PTPRT: variants seen among roughly 807,000 people sequenced by gnomAD.
The protein encoded by PTPRT is receptor-type tyrosine-protein phosphatase T.
A neutral mutation model predicts 176.8 loss-of-function variants in PTPRT; 56 were observed. The observed-to-expected ratio is 0.32, with a 90% CI of 0.26 to 0.40. The LOEUF (loss-of-function observed/expected upper bound fraction) is 0.40. Ranked by LOEUF, PTPRT falls within the 10% of genes least tolerant of loss-of-function variation. The pLI, the probability that PTPRT is intolerant of heterozygous loss-of-function variation, is 1.00. For synonymous variants in PTPRT, 783 were observed against 739.0 expected (o/e 1.06, Z -0.96); for missense variants, 1,540 against 1,908.2 (o/e 0.81, Z 3.60).
At chr20:42,810,592 A>G (rs1175642838) in intron 2 of PTPRT, among the ~76,000 whole-genome samples, 3 of 152,200 alleles carry the variant, frequency 2.0e-5, no homozygotes, top group Admixed American at 2.0e-4. Context: ...GAAGCTTACC[A>G]TTGTATAAAA....
intron 1 of PTPRT, among the ~76,000 whole-genome samples, chr20:43,130,949 A>C: frequency 6.6e-6 from 1 of 152,364 alleles, no homozygotes; most frequent in Non-Finnish European, 1.5e-5. Flanking sequence ...GTGCAGAGAC[A>C]GCTGGCTAAG....
In PTPRT at chr20:42,588,522, C is replaced by T. The variant is rs944315071; in HGVS notation, c.1153+89344G>A. Among the ~76,000 whole-genome samples the T allele has an allele frequency of 5.3e-5, 8 of 151,890 alleles. 1 individual carries two copies. Among genetic ancestry groups the T allele is most frequent in the African/African-American group, 1.9e-4 (8 of 41,372 alleles). On this transcript the variant is annotated intron_variant, in intron 7 of 30. Transcript: ENST00000373187. ...GCAAACTGAGCTCTGCTATAAGGAA[C>T]ACACCATATTTCAAAGACAAAAAAA...
At chr20:42,984,432 C>T (rs1464113168) in intron 1 of PTPRT, among the ~76,000 whole-genome samples, 1 of 152,220 alleles carries the variant, frequency 6.6e-6, no homozygotes, top group African/African-American at 2.4e-5. Flanking sequence ...CAGCTCTCCA[C>T]TTTCTGTAGA....
At position 42,654,851 on chromosome 20, in the gene PTPRT, T is replaced by C. The variant is rs73618856; in HGVS notation, c.1153+23015A>G. 1.2e-4 allele frequency among the ~76,000 whole-genome samples: 18 copies of C among 152,328 alleles called. No individual in the cohort carries two copies. In the East Asian group the frequency reaches 1.4e-3, roughly 11 times the overall value. On this transcript the variant is annotated intron_variant, in intron 7 of 30. Coordinates refer to ENST00000373187, the MANE Select transcript of PTPRT (RefSeq NM_007050.6). ...TACTCTCCTTGGAATATCCTGTGGC[T>C]TCCCAAAGCCCACTAACATCAGGGC...
chr20:42,253,489 C>T (rs532920161), intron 13 of PTPRT, among the ~76,000 whole-genome samples: 47 of 152,146 alleles, frequency 3.1e-4, no homozygotes, highest in South Asian at 8.3e-4. Flanking sequence ...AGGCTGTCTC[C>T]GACTCTGGGT....
chr20:42,907,180 C>T (rs141036041), intron 1 of PTPRT, among the ~76,000 whole-genome samples: 1 of 152,012 alleles, frequency 6.6e-6, no homozygotes, highest in African/African-American at 2.4e-5. Flanking sequence ...TGAAAATGAT[C>T]CACTGAAAGA....
chr20:42,286,011 C>G (rs2057224940), intron 12 of PTPRT, among the ~76,000 whole-genome samples: 1 of 151,578 alleles, frequency 6.6e-6, no homozygotes. Context: ...AATAAAATAC[C>G]TAGAAATCAA....
intron 8 of PTPRT, among the ~76,000 whole-genome samples, chr20:42,451,313 A>T (rs937385628): frequency 1.3e-5 from 2 of 152,142 alleles, no homozygotes; most frequent in African/African-American, 4.8e-5. Flanking sequence ...AATGTTGTTT[A>T]TAGAGAGGGA....
intron 24 of PTPRT, among the ~76,000 whole-genome samples, chr20:42,105,380 C>T (rs957917776): frequency 2.6e-5 from 4 of 152,288 alleles, no homozygotes; most frequent in African/African-American, 7.2e-5. Context: ...GCTCCCAAAA[C>T]GTGTCATATC....
intron 7 of PTPRT, among the ~76,000 whole-genome samples, chr20:42,648,326 C>A (rs1485403753): frequency 6.6e-6 from 1 of 152,142 alleles, no homozygotes; most frequent in Non-Finnish European, 1.5e-5. Context: ...ATCCCCCTCT[C>A]AGCTCTGCAA....
intron 19 of PTPRT, among the ~76,000 whole-genome samples, chr20:42,121,504 A>C (rs932573065): frequency 6.6e-6 from 1 of 152,154 alleles, no homozygotes; most frequent in African/African-American, 2.4e-5. Context: ...GCAACACAGC[A>C]TGGTGGTTAT....
At chr20:42,429,490 GTCTCCTCCCTC>G (rs974172071) in intron 9 of PTPRT, among the ~76,000 whole-genome samples, 4 of 152,166 alleles carry the variant, frequency 2.6e-5, no homozygotes, top group African/African-American at 7.2e-5. Flanking sequence ...CCTTCCCTTG[GTCTCCTCCCTC>G]TCTCCTCATC....
intron 2 of PTPRT, among the ~76,000 whole-genome samples, chr20:42,828,067 G>C (rs1451638967): frequency 6.6e-6 from 1 of 152,180 alleles, no homozygotes; most frequent in Non-Finnish European, 1.5e-5. Flanking sequence ...GAACAGTTTG[G>C]AGGATTTAGA....
chr20:42,306,173 G>C (rs1183622462), intron 12 of PTPRT, among the ~76,000 whole-genome samples: 1 of 152,198 alleles, frequency 6.6e-6, no homozygotes, highest in Non-Finnish European at 1.5e-5. Context: ...ACTGTAAGTG[G>C]ATGAAAAAAT....
intron 18 of PTPRT, among the ~76,000 whole-genome samples, chr20:42,129,758 G>A (rs1191102573): frequency 2.0e-5 from 3 of 152,216 alleles, no homozygotes; most frequent in Non-Finnish European, 4.4e-5. Flanking sequence ...AGTCACGGAG[G>A]TCAGATCAGC....
At chr20:42,229,673 G>A (rs2056094317) in intron 15 of PTPRT, among the ~76,000 whole-genome samples, 3 of 152,150 alleles carry the variant, frequency 2.0e-5, no homozygotes, top group Admixed American at 2.0e-4. Flanking sequence ...TTGAATCTTT[G>A]TGAGACTTCT....
intron 1 of PTPRT, among the ~76,000 whole-genome samples, chr20:43,098,310 C>T (rs2012250106): frequency 6.6e-6 from 1 of 152,192 alleles, no homozygotes. Flanking sequence ...AGGTTCCGGT[C>T]CCAGCTGAAA....
At chr20:42,118,552 C>G in intron 20 of PTPRT, 52 bp from the exon 21 acceptor site, 1 of 1,509,556 alleles carries the variant, frequency 6.6e-7, no homozygotes, top group East Asian at 2.3e-5. Flanking sequence ...AAAGCAGCAG[C>G]TGAGAAGGTT....
intron 7 of PTPRT, among the ~76,000 whole-genome samples, chr20:42,565,978 A>G (rs1305967826): frequency 6.6e-6 from 1 of 152,052 alleles, no homozygotes; most frequent in East Asian, 1.9e-4. Flanking sequence ...CTCACCTTCC[A>G]TCACACAGGG....
Sources: gnomAD v4.1 joint callset for allele counts (sites outside exome capture counted in the v4.1 genomes callset) on GRCh38, gnomAD v4.1.1 for gene constraint, MANE v1.5 for transcripts, NCBI Gene and HGNC (gene_info 2026-07-23, HGNC 2026-07-21) for gene names.